LOC400499: variants seen among roughly 807,000 people sequenced by gnomAD.
At chr16:11,427,907 C>G in the LOC400499 span, among the ~76,000 whole-genome samples, 2 of 152,172 alleles carry the variant, frequency 1.3e-5, no homozygotes, top group African/African-American at 4.8e-5. Context: ...ACAACTCACT[C>G]TGAAAAGCGT....
At chr16:11,474,840 G>A in the LOC400499 span, among the ~76,000 whole-genome samples, 9 of 152,174 alleles carry the variant, frequency 5.9e-5, no homozygotes, top group East Asian at 3.9e-4. Context: ...ATTGCACTCC[G>A]GTCTGGACGA....
the LOC400499 span, chr16:11,508,739 G>C: frequency 2.5e-6 from 1 of 399,120 alleles, no homozygotes; most frequent in Non-Finnish European, 4.4e-6. Flanking sequence ...GTCTGAGCCA[G>C]GCACAGCCTC....
At chr16:11,393,331 T>G in the LOC400499 span, 1 of 1,215,196 alleles carries the variant, frequency 8.2e-7, no homozygotes, top group Non-Finnish European at 1.0e-6. Context: ...CCCCCGTCCT[T>G]TCTTGAGCCA....
At chr16:11,521,918 C>T in the LOC400499 span, 1 of 399,138 alleles carries the variant, frequency 2.5e-6, no homozygotes, top group South Asian at 1.3e-4. Context: ...TCCCCAGCAT[C>T]AACGTGATCT....
At chr16:11,409,233 C>T in the LOC400499 span, among the ~76,000 whole-genome samples, 2 of 151,236 alleles carry the variant, frequency 1.3e-5, no homozygotes. Flanking sequence ...TGCACTCCAG[C>T]GTGGGTGACA....
At chr16:11,423,938 C>A in the LOC400499 span, among the ~76,000 whole-genome samples, 1 of 152,198 alleles carries the variant, frequency 6.6e-6, no homozygotes, top group East Asian at 1.9e-4. Flanking sequence ...CCCCTGGCGG[C>A]CACCCTCTGC....
chr16:11,477,843 C>T, the LOC400499 span: 19 of 399,006 alleles, frequency 4.8e-5, no homozygotes, highest in African/African-American at 3.9e-4. Flanking sequence ...TAACCATTCA[C>T]AGAGAAATCC....
the LOC400499 span, among the ~76,000 whole-genome samples, chr16:11,403,175 G>C: frequency 6.6e-6 from 1 of 152,138 alleles, no homozygotes; most frequent in South Asian, 2.1e-4. Context: ...GTGCACGCTG[G>C]TGACCTGTGA....
At chr16:11,500,785 G>A in the LOC400499 span, 1 of 399,194 alleles carries the variant, frequency 2.5e-6, no homozygotes. Context: ...GGGGCCCCGG[G>A]TGGGGTGCAG....
At chr16:11,416,981 G>A in the LOC400499 span, among the ~76,000 whole-genome samples, 1 of 152,070 alleles carries the variant, frequency 6.6e-6, no homozygotes, top group Non-Finnish European at 1.5e-5. Flanking sequence ...ACTGTATTGT[G>A]CTCTCGTGTG....
At chr16:11,516,794 T>C in the LOC400499 span, among the ~76,000 whole-genome samples, 2 of 152,058 alleles carry the variant, frequency 1.3e-5, no homozygotes, top group Non-Finnish European at 1.5e-5. Context: ...CACAGACATA[T>C]GGCCACCATG....
At chr16:11,439,358 T>C in the LOC400499 span, 3 of 396,160 alleles carry the variant, frequency 7.6e-6, no homozygotes, top group Middle Eastern at 6.3e-4. Context: ...AAGCACAACA[T>C]TGCAAGTGTG....
At chr16:11,479,274 T>C in the LOC400499 span, among the ~76,000 whole-genome samples, 1 of 152,180 alleles carries the variant, frequency 6.6e-6, no homozygotes, top group African/African-American at 2.4e-5. Flanking sequence ...ACTGTGTGTA[T>C]GTTTTCATGA....
the LOC400499 span, among the ~76,000 whole-genome samples, chr16:11,443,072 C>A: frequency 1.3e-5 from 2 of 152,040 alleles, no homozygotes; most frequent in Non-Finnish European, 2.9e-5. Context: ...GGCTGTAATC[C>A]CAGCACTTTG....
At chr16:11,400,653 C>T in the LOC400499 span, among the ~76,000 whole-genome samples, 1 of 152,122 alleles carries the variant, frequency 6.6e-6, no homozygotes, top group East Asian at 1.9e-4. Context: ...GTTGGCCAGG[C>T]TGGTCTCAAA....
At chr16:11,387,248 T>C in the LOC400499 span, 2 of 1,232,160 alleles carry the variant, frequency 1.6e-6, no homozygotes, top group Admixed American at 4.2e-5. Flanking sequence ...GTCCAGGGGC[T>C]CGTCCCCCGC....
chr16:11,393,344 AG>A, the LOC400499 span: 3 of 1,225,704 alleles, frequency 2.4e-6, no homozygotes, highest in Non-Finnish European at 3.1e-6. Context: ...TTGAGCCAAC[AG>A]GGGCCGTGGC....
At chr16:11,455,462 CAG>C in the LOC400499 span, among the ~76,000 whole-genome samples, 1 of 152,094 alleles carries the variant, frequency 6.6e-6, no homozygotes, top group African/African-American at 2.4e-5. Flanking sequence ...GGGCCAGGCA[CAG>C]TGGCTCACAC....
the LOC400499 span, among the ~76,000 whole-genome samples, chr16:11,415,515 C>A: frequency 6.6e-6 from 1 of 152,224 alleles, no homozygotes. Context: ...GAGAGGACCA[C>A]TTGTGGGACA....
Sources: gnomAD v4.1 joint callset for allele counts (sites outside exome capture counted in the v4.1 genomes callset) on GRCh38, gnomAD v4.1.1 for gene constraint, MANE v1.5 for transcripts.